The following SSH2 variants were observed in gnomAD, a reference collection of about 807,000 sequenced individuals.
SSH2 encodes the protein slingshot protein phosphatase 2, also known as protein phosphatase Slingshot homolog 2.
Under a neutral mutation model 135.2 loss-of-function variants are expected in SSH2, and 37 were observed. That is an observed-to-expected ratio of 0.27 (90% CI 0.21 to 0.36). The LOEUF (loss-of-function observed/expected upper bound fraction) is 0.36. Among genes scored for constraint, SSH2 ranks in the 10% least tolerant of loss-of-function variants. The probability of loss-of-function intolerance (pLI) is 1.00; values close to 1 mark genes in which losing one functional copy is unlikely to be tolerated. For synonymous variants in SSH2, 628 were observed against 646.2 expected (o/e 0.97, Z 0.43); for missense variants, 1,408 against 1,765.3 (o/e 0.80, Z 3.63).
chr17:29,876,197 G>GAAAAAAA (rs78321127), intron 1 of SSH2, among the ~76,000 whole-genome samples: 1 of 112,654 alleles, frequency 8.9e-6, no homozygotes, highest in Non-Finnish European at 1.8e-5. Context: ...AAGGTAAAAA[G>GAAAAAAA]AAAAAAAAAA....
intron 8 of SSH2, among the ~76,000 whole-genome samples, chr17:29,672,417 A>G (rs1270019673): frequency 1.3e-5 from 2 of 152,226 alleles, no homozygotes; most frequent in African/African-American, 4.8e-5. Flanking sequence ...CCTATGGAGC[A>G]CATGATCCTA....
At chr17:29,916,327 G>A (rs1208334163) in intron 1 of SSH2, among the ~76,000 whole-genome samples, 1 of 152,088 alleles carries the variant, frequency 6.6e-6, no homozygotes, top group Non-Finnish European at 1.5e-5. Flanking sequence ...CTATTTTACA[G>A]GTGGGCAAAC....
At chr17:29,912,799 C>T (rs1471821422) in intron 1 of SSH2, among the ~76,000 whole-genome samples, 3 of 151,966 alleles carry the variant, frequency 2.0e-5, no homozygotes, top group African/African-American at 2.4e-5. Context: ...TAATGTTTCT[C>T]GAGATATAAG....
chr17:29,693,066 A>T (rs1598814937), intron 5 of SSH2, among the ~76,000 whole-genome samples: 1 of 151,736 alleles, frequency 6.6e-6, no homozygotes, highest in Non-Finnish European at 1.5e-5. Flanking sequence ...CTCAAGCAAT[A>T]CTCCCACTGC....
intron 1 of SSH2, among the ~76,000 whole-genome samples, chr17:29,868,449 A>T (rs1471998681): frequency 6.6e-6 from 1 of 152,136 alleles, no homozygotes; most frequent in Non-Finnish European, 1.5e-5. Context: ...CATAAAATTC[A>T]GTTCCCGGCT....
chr17:29,842,763 T>C (rs144307878), intron 2 of SSH2, among the ~76,000 whole-genome samples: 1 of 152,318 alleles, frequency 6.6e-6, no homozygotes, highest in African/African-American at 2.4e-5. Context: ...AATAAGGATA[T>C]TGTTCATGGT....
chr17:29,885,480 T>C (rs1188044539), intron 1 of SSH2, among the ~76,000 whole-genome samples: 1 of 152,060 alleles, frequency 6.6e-6, no homozygotes, highest in Admixed American at 6.6e-5. Context: ...GTCTCTTGGC[T>C]GGCCCCTAGA....
chr17:29,738,262 C>A (rs977830204), intron 3 of SSH2, among the ~76,000 whole-genome samples: 9 of 92,776 alleles, frequency 9.7e-5, no homozygotes, highest in African/African-American at 8.9e-4. Flanking sequence ...TGAACTCATT[C>A]TTTTTTATGG....
intron 2 of SSH2, among the ~76,000 whole-genome samples, chr17:29,811,562 G>C (rs943373701): frequency 8.1e-6 from 1 of 123,894 alleles, no homozygotes; most frequent in Non-Finnish European, 1.6e-5. Context: ...AATGAAATGT[G>C]AACCACAAGT....
chr17:29,658,962 G>C (rs1469623964), intron 11 of SSH2, among the ~76,000 whole-genome samples: 2 of 148,858 alleles, frequency 1.3e-5, no homozygotes, highest in African/African-American at 5.0e-5. Context: ...ATTAGTTTCT[G>C]ATTTACTCTA....
chr17:29,632,363 G>T lies in SSH2; in HGVS notation c.2831C>A (p.Ala944Asp). Residue 944 changes from alanine to aspartate, a missense_variant, in exon 16 of 16, where the codon GCC (alanine) becomes GAC (aspartate). This residue lies in a region of SSH2 where 1,080 missense variants were observed against 1,144.5 expected (regional missense o/e 0.94). Coordinates refer to ENST00000540801, the MANE Select transcript of SSH2 (RefSeq NM_001282129.2). Reference protein sequence around the residue: ...DLAPKGKSDEAPPEHSFVLKE... With the variant: ...DLAPKGKSDEDPPEHSFVLKE... ...GAGGACAAATGAATGTTCTGGGGGGGCTTCATCACTTTTCCCTTTTGGTGC... is the reference window on the plus strand; with the variant it reads ...GAGGACAAATGAATGTTCTGGGGGGTCTTCATCACTTTTCCCTTTTGGTGC... The T allele has an allele frequency of 6.2e-7, 1 of 1,613,974 alleles. No homozygotes were observed. Among genetic ancestry groups the T allele is most frequent in the East Asian group, 2.2e-5 (1 of 44,886 alleles).
Position 29,636,726 on chromosome 17 carries a change from G to A in SSH2, c.1504C>T (p.Pro502Ser). 1.2e-6 allele frequency: 2 copies of A among 1,614,090 alleles called. No homozygotes were observed. The highest frequency in any genetic ancestry group is 1.7e-6 in the Non-Finnish European group (2 of 1,180,024). ...TCCTTCTTGTTGAGTTCTAGCCCAG[G>A]TTTGCAGATGGGTTCGTGGTGGTCT... ...LSDHHEPICK[P>S]GLELNKKDIT... Residue 502 changes from proline to serine, a missense_variant, in exon 15 of 16, where the codon CCT (proline) becomes TCT (serine). This residue lies in a region of SSH2 where 1,080 missense variants were observed against 1,144.5 expected (regional missense o/e 0.94). Transcript: ENST00000540801.
At chr17:29,837,689 C>A (rs1281374139) in intron 2 of SSH2, among the ~76,000 whole-genome samples, 2 of 152,218 alleles carry the variant, frequency 1.3e-5, no homozygotes, top group Non-Finnish European at 2.9e-5. Context: ...GAGAACCCAG[C>A]CAAAGACACA....
At chr17:29,855,304 C>T (rs760556001) in intron 1 of SSH2, among the ~76,000 whole-genome samples, 12 of 152,098 alleles carry the variant, frequency 7.9e-5, no homozygotes, top group Non-Finnish European at 1.5e-4. Flanking sequence ...GAGTTTCAGA[C>T]CAGCCTGGGC....
chr17:29,739,312 G>C (rs1435593718), intron 3 of SSH2, among the ~76,000 whole-genome samples: 3 of 152,124 alleles, frequency 2.0e-5, no homozygotes, highest in African/African-American at 7.2e-5. Context: ...GTGCTTGAAG[G>C]GTCCCAGAAT....
rs554475767 is a variant in SSH2 at position 29,916,867 on chromosome 17, T to C, written c.63+13071A>G. ...TGAGATGTGCTAAATATTGTAATTA[T>C]GAAGAAAAGGCTATCTCAAATTCCT... On this transcript the variant is annotated intron_variant, in intron 1 of 15. Transcript: ENST00000540801. Among the ~76,000 whole-genome samples the C allele has an allele frequency of 3.9e-5, 6 of 152,272 alleles. No individual in the cohort carries two copies. The East Asian group carries it at 1.2e-3, about 29-fold the overall frequency.
At chr17:29,762,389 A>G (rs2041345040) in intron 3 of SSH2, among the ~76,000 whole-genome samples, 1 of 152,206 alleles carries the variant, frequency 6.6e-6, no homozygotes, top group Non-Finnish European at 1.5e-5. Context: ...CCTTAATAAA[A>G]TTGGAATCTC....
rs542794509 is a variant in SSH2, at chr17:29,834,639, G to A, written c.144+14210C>T. On this transcript the variant is annotated intron_variant, in intron 2 of 15. Transcript: ENST00000540801. ...TTCTTTTATTGTTTCTGGGTTTTGT[G>A]TCATAAAAAGATCCTCCCTACTCTA... 1.8e-3 allele frequency among the ~76,000 whole-genome samples: 279 copies of A among 151,966 alleles called. 1 individual carries two copies. The highest frequency in any genetic ancestry group is 3.5e-3 in the Non-Finnish European group (237 of 67,922).
At chr17:29,908,845 A>G (rs1309267635) in intron 1 of SSH2, among the ~76,000 whole-genome samples, 1 of 151,056 alleles carries the variant, frequency 6.6e-6, no homozygotes, top group Non-Finnish European at 1.5e-5. Context: ...TTGAGAGGCC[A>G]AGGCGGGTGG....
Sources: allele counts gnomAD v4.1 joint callset (sites outside exome capture counted in the v4.1 genomes callset), GRCh38; gene constraint gnomAD v4.1.1; regional missense constraint gnomAD v4.1.1; transcripts MANE v1.5; gene names NCBI Gene and HGNC (gene_info 2026-07-23, HGNC 2026-07-21).